Variants in GRID1 observed in about 807,000 individuals in gnomAD.
The protein encoded by GRID1 is glutamate receptor ionotropic, delta-1.
In GRID1, 28 loss-of-function variants were observed where a neutral mutation model predicts 98.0. The observed-to-expected ratio is 0.29, with a 90% confidence interval of 0.21 to 0.39. The LOEUF is 0.39. Ranked by LOEUF, GRID1 falls within the 10% of genes least tolerant of loss-of-function variation. The pLI, the probability that GRID1 is intolerant of heterozygous loss-of-function variation, is 1.00. For synonymous variants in GRID1, 553 were observed against 538.5 expected (o/e 1.03, Z -0.37); for missense variants, 1,111 against 1,340.5 (o/e 0.83, Z 2.67).
intron 2 of GRID1, among the ~76,000 whole-genome samples, chr10:86,280,299 G>C (rs1258960798): frequency 2.0e-5 from 3 of 152,118 alleles, no homozygotes; most frequent in Non-Finnish European, 4.4e-5. Context: ...CAAAAATAGA[G>C]TATTTAGGGA....
intron 2 of GRID1, among the ~76,000 whole-genome samples, chr10:86,313,540 G>C (rs1389943495): frequency 1.3e-5 from 2 of 152,212 alleles, no homozygotes; most frequent in African/African-American, 4.8e-5. Flanking sequence ...GTGTGGCACA[G>C]GGGCAGGAAG....
chr10:86,332,457 C>T (rs1477683137), intron 2 of GRID1, among the ~76,000 whole-genome samples: 3 of 152,068 alleles, frequency 2.0e-5, no homozygotes, highest in South Asian at 2.1e-4. Context: ...CTGGGGCTTC[C>T]CCTGGGATGG....
At position 86,278,625 on chromosome 10, in the gene GRID1, A is replaced by T. The variant is rs76227247; in HGVS notation, c.236-71977T>A. 1.9e-3 allele frequency among the ~76,000 whole-genome samples: 286 copies of T among 152,320 alleles called. 1 individual carries two copies. The highest frequency in any genetic ancestry group is 2.6e-3 in the Non-Finnish European group (180 of 68,024). On this transcript the variant is annotated intron_variant, in intron 2 of 15. Transcript: ENST00000327946. Reference sequence around the variant, plus strand: ...ACTACAGATACTACAGGTATTAAAAAGATAATAAGGACATATTATGAATAA... The same window carrying T: ...ACTACAGATACTACAGGTATTAAAATGATAATAAGGACATATTATGAATAA...
At chr10:85,881,444 G>A (rs1841012760) in intron 5 of GRID1, among the ~76,000 whole-genome samples, 1 of 152,126 alleles carries the variant, frequency 6.6e-6, no homozygotes, top group African/African-American at 2.4e-5. Flanking sequence ...CAATGGAACA[G>A]AACAGAGCCC....
At chr10:86,278,579 A>G (rs1417098428) in intron 2 of GRID1, among the ~76,000 whole-genome samples, 1 of 152,222 alleles carries the variant, frequency 6.6e-6, no homozygotes, top group African/African-American at 2.4e-5. Flanking sequence ...TACCAATATC[A>G]GAAATAAAAG....
intron 4 of GRID1, among the ~76,000 whole-genome samples, chr10:85,970,918 C>G (rs1589318702): frequency 6.6e-6 from 1 of 151,928 alleles, no homozygotes; most frequent in African/African-American, 2.4e-5. Context: ...GATGACACAG[C>G]TCATTTATTT....
rs562626302 is a variant in GRID1, at chr10:86,276,912, G to A, written c.236-70264C>T. ...CAAGAGTTCTAAATCCAGCAATACTGTCCTTTTTCAAAAGAGAGAGCCATT... is the reference window on the plus strand; with the variant it reads ...CAAGAGTTCTAAATCCAGCAATACTATCCTTTTTCAAAAGAGAGAGCCATT... On this transcript the variant is annotated intron_variant, in intron 2 of 15. Coordinates refer to ENST00000327946, the MANE Select transcript of GRID1 (RefSeq NM_017551.3). Among the ~76,000 whole-genome samples, 55 of 152,210 alleles carry A rather than the reference G, an allele frequency of 3.6e-4. 1 individual carries two copies. The highest frequency in any genetic ancestry group is 1.3e-3 in the African/African-American group (54 of 41,544).
At chr10:86,001,953 T>C (rs780661338) in intron 4 of GRID1, among the ~76,000 whole-genome samples, 18 of 152,202 alleles carry the variant, frequency 1.2e-4, no homozygotes, top group Non-Finnish European at 2.2e-4. Flanking sequence ...GCATTCCTTG[T>C]CCTGTGGCAG....
At chr10:85,661,887 G>A (rs1840969237) in intron 12 of GRID1, among the ~76,000 whole-genome samples, 1 of 152,226 alleles carries the variant, frequency 6.6e-6, no homozygotes, top group African/African-American at 2.4e-5. Context: ...CATTCTTCAA[G>A]AGAAATGAGC....
chr10:86,361,697 T>A lies in GRID1; in HGVS notation c.235+2244A>T, dbSNP rs542500799. 2.0e-5 allele frequency among the ~76,000 whole-genome samples: 3 copies of A among 152,356 alleles called. No individual in the cohort carries two copies. The East Asian group carries it at 5.8e-4, about 29-fold the overall frequency. On this transcript the variant is annotated intron_variant, in intron 2 of 15. Transcript: ENST00000327946. ...GTACTGTGTTGTTTACATTATTTTA[T>A]TAGTTGGCAATAGCTTTAAATCAAA...
intron 4 of GRID1, among the ~76,000 whole-genome samples, chr10:86,026,291 T>C (rs80333840): frequency 0.021 from 3,229 of 152,336 alleles, 58 homozygotes; most frequent in African/African-American, 0.046. Flanking sequence ...CATATTGCTC[T>C]TACAAGCGCA....
At chr10:85,635,663 G>C (rs1056534932) in intron 13 of GRID1, among the ~76,000 whole-genome samples, 2 of 152,222 alleles carry the variant, frequency 1.3e-5, no homozygotes, top group Non-Finnish European at 2.9e-5. Flanking sequence ...GAAGCCCCAA[G>C]TCTAGCAGGG....
chr10:85,775,995 A>T (rs1235264277), intron 8 of GRID1, among the ~76,000 whole-genome samples: 1 of 152,088 alleles, frequency 6.6e-6, no homozygotes, highest in Admixed American at 6.5e-5. Flanking sequence ...ATTTTTTTAA[A>T]TATATGTAAC....
At chr10:86,019,130 G>A (rs1843016859) in intron 4 of GRID1, among the ~76,000 whole-genome samples, 1 of 152,212 alleles carries the variant, frequency 6.6e-6, no homozygotes, top group Non-Finnish European at 1.5e-5. Context: ...GAGGAAAAGA[G>A]ATAGGCAGCT....
chr10:86,361,208 G>A (rs370021940), intron 2 of GRID1, among the ~76,000 whole-genome samples: 18 of 152,338 alleles, frequency 1.2e-4, no homozygotes, highest in African/African-American at 3.4e-4. Flanking sequence ...CCCCAGGCAA[G>A]GGAAAAGGAG....
intron 6 of GRID1, among the ~76,000 whole-genome samples, chr10:85,866,344 T>C (rs1024937788): frequency 1.3e-5 from 2 of 148,294 alleles, no homozygotes; most frequent in Admixed American, 1.3e-4. Flanking sequence ...ACCCTTTCCA[T>C]GGAAACCCTG....
intron 2 of GRID1, among the ~76,000 whole-genome samples, chr10:86,245,199 G>A (rs1846703793): frequency 1.3e-5 from 2 of 152,226 alleles, no homozygotes; most frequent in African/African-American, 4.8e-5. Context: ...GGGCTCTGGG[G>A]GAGTGGATTA....
intron 4 of GRID1, among the ~76,000 whole-genome samples, chr10:85,946,995 A>G (rs1191408765): frequency 1.3e-5 from 2 of 152,188 alleles, no homozygotes; most frequent in Non-Finnish European, 2.9e-5. Context: ...GGAACAGTGT[A>G]TGGCTCAGAA....
At chr10:85,655,022 A>C (rs1384206170) in intron 12 of GRID1, among the ~76,000 whole-genome samples, 1 of 152,212 alleles carries the variant, frequency 6.6e-6, no homozygotes, top group Non-Finnish European at 1.5e-5. Flanking sequence ...CAATGTCCAC[A>C]CTATTCACTA....
Sources: allele counts gnomAD v4.1 joint callset (sites outside exome capture counted in the v4.1 genomes callset), GRCh38; gene constraint gnomAD v4.1.1; transcripts MANE v1.5; gene names NCBI Gene and HGNC (gene_info 2026-07-23, HGNC 2026-07-21).